Variants in NBAS observed in about 807,000 individuals in gnomAD.
The protein encoded by NBAS is NAG/BC035112 fusion.
NBAS carries 219 observed loss-of-function variants against 302.5 expected under a neutral mutation model. That is an observed-to-expected ratio of 0.72 (90% CI 0.65 to 0.81). NBAS has a LOEUF of 0.81. Among genes scored for constraint, NBAS ranks in the 30% least tolerant of loss-of-function variants. The pLI, the probability that NBAS is intolerant of heterozygous loss-of-function variation, is 0.00. For missense variants in NBAS, 2,932 were observed against 2,841.6 expected (o/e 1.03, Z -0.72); for synonymous variants, 1,118 against 1,021.6 (o/e 1.09, Z -1.80).
At chr2:15,106,505 G>A in the NBAS span, among the ~76,000 whole-genome samples, 1 of 146,090 alleles carries the variant, frequency 6.8e-6, no homozygotes, top group Non-Finnish European at 1.5e-5. Flanking sequence ...TTTTCTTTGG[G>A]TTCCATAGGA....
chr2:14,857,263 G>T, the NBAS span, among the ~76,000 whole-genome samples: 3 of 152,084 alleles, frequency 2.0e-5, no homozygotes, highest in Non-Finnish European at 4.4e-5. Flanking sequence ...ACAATCTACA[G>T]ATTCAATGCA....
At chr2:15,171,869 G>A (rs754948365) in intron 51 of NBAS, among the ~76,000 whole-genome samples, 9 of 152,328 alleles carry the variant, frequency 5.9e-5, no homozygotes, top group East Asian at 1.9e-4. Flanking sequence ...GGCGGCCGTC[G>A]ACACGCCAAG....
At chr2:14,804,435 T>C in the NBAS span, among the ~76,000 whole-genome samples, 70 of 152,332 alleles carry the variant, frequency 4.6e-4, no homozygotes, top group African/African-American at 1.6e-3. Flanking sequence ...AGTTTTGCTG[T>C]TGTCTGTGAG....
chr2:14,884,369 G>A, the NBAS span, among the ~76,000 whole-genome samples: 1 of 152,190 alleles, frequency 6.6e-6, no homozygotes, highest in Non-Finnish European at 1.5e-5. Flanking sequence ...GCAGTAGAGA[G>A]AGGAGCTAAT....
At chr2:14,927,742 A>T in the NBAS span, among the ~76,000 whole-genome samples, 1 of 152,180 alleles carries the variant, frequency 6.6e-6, no homozygotes, top group Non-Finnish European at 1.5e-5. Flanking sequence ...ATCGTAGCAA[A>T]CCTAATAGGT....
intron 44 of NBAS, among the ~76,000 whole-genome samples, chr2:15,255,818 C>T (rs1208039867): frequency 6.6e-6 from 1 of 152,134 alleles, no homozygotes; most frequent in Admixed American, 6.6e-5. Flanking sequence ...TGACCTTTCC[C>T]CACTTTGTTT....
chr2:15,538,777 T>A (rs1166627445), intron 7 of NBAS, among the ~76,000 whole-genome samples: 1 of 152,220 alleles, frequency 6.6e-6, no homozygotes, highest in African/African-American at 2.4e-5. Context: ...CTGTTATGAA[T>A]ATAAAATCAT....
At chr2:15,285,572 C>G (rs973139505) in intron 42 of NBAS, among the ~76,000 whole-genome samples, 1 of 152,222 alleles carries the variant, frequency 6.6e-6, no homozygotes, top group African/African-American at 2.4e-5. Flanking sequence ...ATTTGAACCC[C>G]AGATCTGTAA....
the NBAS span, among the ~76,000 whole-genome samples, chr2:14,855,912 C>G: frequency 6.6e-6 from 1 of 152,222 alleles, no homozygotes; most frequent in Non-Finnish European, 1.5e-5. Context: ...AGCCCCAGGG[C>G]ATTGAACACA....
the NBAS span, among the ~76,000 whole-genome samples, chr2:15,059,899 T>A: frequency 6.7e-6 from 1 of 149,086 alleles, no homozygotes; most frequent in South Asian, 2.1e-4. Context: ...GGAAAGCATG[T>A]ATTTGTAGTC....
chr2:15,274,408 AAGG>A (rs1429862257), intron 44 of NBAS, among the ~76,000 whole-genome samples: 1 of 152,188 alleles, frequency 6.6e-6, no homozygotes, highest in East Asian at 1.9e-4. Flanking sequence ...ACTTGCACGG[AAGG>A]AGAAGGCAAC....
chr2:14,847,509 C>CAA, the NBAS span, among the ~76,000 whole-genome samples: 3 of 118,586 alleles, frequency 2.5e-5, no homozygotes, highest in Non-Finnish European at 5.6e-5. Flanking sequence ...ACATAGATTT[C>CAA]AAAAAAAAAA....
At chr2:15,392,517 C>G (rs1211637808) in intron 28 of NBAS, among the ~76,000 whole-genome samples, 1 of 151,792 alleles carries the variant, frequency 6.6e-6, no homozygotes, top group Non-Finnish European at 1.5e-5. Flanking sequence ...AAAGAAATTC[C>G]CTTTACAATA....
chr2:15,153,551 A>C, the NBAS span, among the ~76,000 whole-genome samples: 2 of 152,250 alleles, frequency 1.3e-5, no homozygotes, highest in Admixed American at 1.3e-4. Context: ...CATTAGCATT[A>C]GCATCTACCA....
At chr2:15,101,593 G>A in the NBAS span, among the ~76,000 whole-genome samples, 139 of 152,224 alleles carry the variant, frequency 9.1e-4, 3 homozygotes, top group East Asian at 0.018. Context: ...GCAGGGGCAG[G>A]TGTGAGCTTA....
At chr2:15,196,837 TAAAG>T (rs60539527) in intron 48 of NBAS, among the ~76,000 whole-genome samples, 41,980 of 151,828 alleles carry the variant, frequency 0.28, 7,012 homozygotes, top group East Asian at 0.64. Context: ...TTTGTTCGTT[TAAAG>T]AAAGAAACAT....
chr2:15,295,059 T>A (rs533757637), intron 40 of NBAS, among the ~76,000 whole-genome samples: 1 of 152,346 alleles, frequency 6.6e-6, no homozygotes, highest in East Asian at 1.9e-4. Context: ...ATAGTTTTCT[T>A]CCACATTCAT....
rs575670953 is a variant in NBAS, at chr2:15,454,020, G to A, written c.2339+7181C>T. 8.4e-4 allele frequency among the ~76,000 whole-genome samples: 128 copies of A among 152,048 alleles called. No individual in the cohort carries two copies. The South Asian group carries it at 0.011, about 13-fold the overall frequency. On this transcript the variant is annotated intron_variant, in intron 21 of 51. Coordinates refer to ENST00000281513, the MANE Select transcript of NBAS (RefSeq NM_015909.4). Reference sequence around the variant, plus strand: ...TCTCAATCTCTTGACCTCATGATGCGCCCGCCTCGGCCTCCCAAAGTGCTG... The same window carrying A: ...TCTCAATCTCTTGACCTCATGATGCACCCGCCTCGGCCTCCCAAAGTGCTG...
chr2:14,790,894 T>A, the NBAS span, among the ~76,000 whole-genome samples: 38 of 152,132 alleles, frequency 2.5e-4, 1 homozygote, highest in Non-Finnish European at 4.1e-4. Flanking sequence ...TCGCTCTTGT[T>A]GCCCAGACTG....
Sources: gnomAD v4.1 joint callset for allele counts (sites outside exome capture counted in the v4.1 genomes callset) on GRCh38, gnomAD v4.1.1 for gene constraint, MANE v1.5 for transcripts, NCBI Gene and HGNC (gene_info 2026-07-23, HGNC 2026-07-21) for gene names.